Variants in CDCA5 observed in about 807,000 individuals in gnomAD.
The protein encoded by CDCA5 is cell division cycle associated 5, also known as sororin.
A neutral mutation model predicts 25.7 loss-of-function variants in CDCA5; 14 were observed. The observed-to-expected ratio is 0.54, with a 90% confidence interval of 0.36 to 0.85. The LOEUF (loss-of-function observed/expected upper bound fraction) is 0.85. CDCA5 is among the 40% of genes least tolerant of loss of function. The pLI is 0.01. For missense variants in CDCA5, 307 were observed against 324.5 expected (o/e 0.95, Z 0.41); for synonymous variants, 127 against 128.7 (o/e 0.99, Z 0.09).
At chr11:65,068,542 AGGCTGCACCACT>A in exon 2 of CDCA5, 1 of 1,289,432 alleles carries the variant, frequency 7.8e-7, no homozygotes, top group Non-Finnish European at 1.0e-6. Flanking sequence ...GCTCCTCAAC[AGGCTGCACCACT>A]GGCTTGTTGG....
At chr11:65,070,742 C>T (rs1947324228) in intron 1 of CDCA5, among the ~76,000 whole-genome samples, 1 of 152,112 alleles carries the variant, frequency 6.6e-6, no homozygotes, top group Non-Finnish European at 1.5e-5. Flanking sequence ...TCCTCCTCTC[C>T]CAAAGTGCTG....
chr11:65,070,061 A>G (rs1259423698), intron 1 of CDCA5, among the ~76,000 whole-genome samples: 3 of 152,220 alleles, frequency 2.0e-5, no homozygotes, highest in Non-Finnish European at 1.5e-5. Context: ...GGTCTCAAAC[A>G]AGGACGCAGG....
intron 4 of CDCA5, among the ~76,000 whole-genome samples, chr11:65,082,664 G>A (rs370614592): frequency 6.6e-6 from 1 of 151,928 alleles, no homozygotes; most frequent in Non-Finnish European, 1.5e-5. Flanking sequence ...GTTTCACCAC[G>A]TTGGCCAGGC....
Position 65,077,662 on chromosome 11 carries a change from G to C in CDCA5, c.*1445C>G. The C allele has an allele frequency of 1.0e-6, 1 of 985,478 alleles. No homozygotes were observed. Among genetic ancestry groups the C allele is most frequent in the Non-Finnish European group, 1.2e-6 (1 of 829,972 alleles). 61.0% of individuals were successfully genotyped at this position (985,478 alleles called of 1,614,324 possible). A position where few individuals can be genotyped will look rare whatever the true frequency, so the allele number is the denominator to read the frequency against. On this transcript the variant is annotated 3_prime_UTR_variant, in exon 6 of 6. Transcript: ENST00000275517. The stretch of plus-strand genomic sequence containing the variant: ...GTGAGGACAAGAGTTCTTCAGTGCG[G>C]TTCAGCTCAAGGACACCTAGGCTTC...
chr11:65,061,778 A>G (rs1434261526), downstream of CDCA5, among the ~76,000 whole-genome samples: 4 of 49,972 alleles, frequency 8.0e-5, no homozygotes, highest in Admixed American at 5.1e-4. Context: ...CCGTCTCAAG[A>G]AAAAAAAAAA....
In CDCA5 at chr11:65,083,940, C is replaced by T; in HGVS notation, c.39G>A (p.Gln13=). Residue 13 remains glutamine, a synonymous_variant, in exon 1 of 6, where the codon CAG becomes CAA. Coordinates refer to ENST00000275517, the MANE Select transcript of CDCA5 (RefSeq NM_080668.4). ...GRRTRSGGAA[Q]RSGPRAPSPT... The stretch of plus-strand genomic sequence containing the variant: ...CGCGCGCCCTCCGCTCACCGGAGCG[C>T]TGAGCGGCTCCTCCGGACCGCGTTC... 6.2e-7 allele frequency: 1 copy of T among 1,609,878 alleles called. No individual in the cohort carries two copies. The highest frequency in any genetic ancestry group is 8.5e-7 in the Non-Finnish European group (1 of 1,179,654).
chr11:65,080,048 G>C (rs1188314552), intron 4 of CDCA5, among the ~76,000 whole-genome samples: 2 of 151,958 alleles, frequency 1.3e-5, no homozygotes, highest in African/African-American at 4.8e-5. Context: ...CCGCCACCTC[G>C]CCCGGCTAAT....
At chr11:65,066,232 T>C, downstream of CDCA5, 1 of 663,202 alleles carries the variant, frequency 1.5e-6, no homozygotes, top group Non-Finnish European at 2.1e-6. Context: ...CTGAGCTCAG[T>C]GTGGACGTGG....
At position 65,078,777 on chromosome 11, in the gene CDCA5, G is replaced by C. The variant is rs544159862; in HGVS notation, c.*330C>G. Reference sequence around the variant, plus strand: ...GAGGTGCCTCTCACCTCAACCCTCAGCCCTTTAACTTCTGGCTGGGCCACT... The same window carrying C: ...GAGGTGCCTCTCACCTCAACCCTCACCCCTTTAACTTCTGGCTGGGCCACT... On this transcript the variant is annotated 3_prime_UTR_variant, in exon 6 of 6. Coordinates refer to ENST00000275517, the MANE Select transcript of CDCA5 (RefSeq NM_080668.4). 4.6e-6 allele frequency: 5 copies of C among 1,079,712 alleles called. No individual in the cohort carries two copies. The African/African-American group carries it at 8.2e-5, about 18-fold the overall frequency. 66.9% of individuals were successfully genotyped at this position (1,079,712 alleles called of 1,614,324 possible).
chr11:65,068,700 G>A (rs1947287882), intron 1 of CDCA5: 8 of 597,902 alleles, frequency 1.3e-5, no homozygotes, highest in Non-Finnish European at 1.6e-5. Flanking sequence ...CCAGCCTGGC[G>A]AGCGTCTATC....
rs868434010 is a variant in CDCA5, at chr11:65,083,363, C to T, written c.243+1G>A. 14 of 1,614,090 alleles carry T rather than the reference C, an allele frequency of 8.7e-6. No homozygotes were observed. In the Middle Eastern group the frequency reaches 1.8e-3, roughly 209 times the overall value. On this transcript the variant is annotated splice_donor_variant, in intron 4 of 5. Transcript: ENST00000275517. LOFTEE classifies it high-confidence loss of function. ...AATTAAGTAGATGAAAGTGAACTCA[C>T]CCTAGGGCTCCTGCGAGGTGATTGG...
At chr11:65,070,413 G>A (rs960370842) in intron 1 of CDCA5, among the ~76,000 whole-genome samples, 8 of 152,214 alleles carry the variant, frequency 5.3e-5, no homozygotes, top group South Asian at 2.1e-4. Flanking sequence ...GTGTACCCAC[G>A]TAGGGTTGCC....
chr11:65,069,931 A>G (rs1947308336), intron 1 of CDCA5, among the ~76,000 whole-genome samples: 1 of 152,192 alleles, frequency 6.6e-6, no homozygotes, highest in Non-Finnish European at 1.5e-5. Flanking sequence ...TTTGCAGCTG[A>G]CCACAGTGCG....
At chr11:65,067,119 G>T (rs1014008173) in intron 4 of CDCA5, among the ~76,000 whole-genome samples, 6 of 152,244 alleles carry the variant, frequency 3.9e-5, no homozygotes, top group African/African-American at 1.4e-4. Context: ...GTCTTCCTTT[G>T]CAAGAGCAGG....
At chr11:65,061,594 G>A (rs1392124606), downstream of CDCA5, among the ~76,000 whole-genome samples, 1 of 151,980 alleles carries the variant, frequency 6.6e-6, no homozygotes, top group African/African-American at 2.4e-5. Flanking sequence ...CTAACATGGT[G>A]AAAGCCCGTC....
downstream of CDCA5, among the ~76,000 whole-genome samples, chr11:65,072,938 C>CTTTTTTTTTTTTTTTTTTTTTTTTATTT (rs751923442): frequency 1.0e-5 from 1 of 99,960 alleles, no homozygotes; most frequent in African/African-American, 4.0e-5. Context: ...TTATTTCATT[C>CTTTTTTTTTTTTTTTTTTTTTTTTATTT]TTTTTTTTTT....
In CDCA5 at chr11:65,079,418, G is replaced by A. The variant is rs1947513553; in HGVS notation, c.613C>T (p.Leu205Phe). The part of the protein sequence containing the change: ...CAKPWAPDMT[L>F]PGISPPPEKQ... ...TCGGGTGGTGGGGAGATTCCAGGGAGAGTCATGTCTGGGGCCCAGGGCTTT... is the reference window on the plus strand; with the variant it reads ...TCGGGTGGTGGGGAGATTCCAGGGAAAGTCATGTCTGGGGCCCAGGGCTTT... Residue 205 changes from leucine (L) to phenylalanine (F), a missense_variant, in exon 5 of 6, where the codon CTC becomes TTC. Coordinates refer to ENST00000275517, the MANE Select transcript of CDCA5 (RefSeq NM_080668.4). The A allele has an allele frequency of 6.2e-7, 1 of 1,613,964 alleles. No homozygotes were observed. The highest frequency in any genetic ancestry group is 1.7e-5 in the Admixed American group (1 of 59,986).
At chr11:65,063,284 C>T (rs926525389), downstream of CDCA5, among the ~76,000 whole-genome samples, 1 of 152,168 alleles carries the variant, frequency 6.6e-6, no homozygotes, top group South Asian at 2.1e-4. Flanking sequence ...GGAGGAAGGC[C>T]CTGCCAGGCT....
At chr11:65,063,340 T>TG (rs1262949974), downstream of CDCA5, among the ~76,000 whole-genome samples, 3 of 152,106 alleles carry the variant, frequency 2.0e-5, no homozygotes, top group South Asian at 2.1e-4. Flanking sequence ...GGCCCTTTAG[T>TG]GGGGAAGGGA....
Sources: gnomAD v4.1 joint callset for allele counts (sites outside exome capture counted in the v4.1 genomes callset) on GRCh38, gnomAD v4.1.1 for gene constraint, MANE v1.5 for transcripts, NCBI Gene and HGNC (gene_info 2026-07-23, HGNC 2026-07-21) for gene names.